Variants in DGKE observed in about 807,000 individuals in gnomAD.
The protein encoded by DGKE is DAG kinase epsilon.
In DGKE, 53 loss-of-function variants were observed where a neutral mutation model predicts 70.0. That is an observed-to-expected ratio of 0.76 (90% CI 0.61 to 0.95). The LOEUF (loss-of-function observed/expected upper bound fraction) is 0.95. Among genes scored for constraint, DGKE ranks in the 40% least tolerant of loss-of-function variants. The pLI, the probability that DGKE is intolerant of heterozygous loss-of-function variation, is 0.00. For missense variants in DGKE, 655 were observed against 706.9 expected (o/e 0.93, Z 0.83); for synonymous variants, 291 against 257.0 (o/e 1.13, Z -1.27).
At chr17:56,840,174 TAGTA>T (rs1906881261) in intron 2 of DGKE, among the ~76,000 whole-genome samples, 1 of 152,022 alleles carries the variant, frequency 6.6e-6, no homozygotes, top group African/African-American at 2.4e-5. Flanking sequence ...CAAAAAATAA[TAGTA>T]ATAATAATAA....
At chr17:56,854,713 G>A (rs1881736569) in intron 7 of DGKE, among the ~76,000 whole-genome samples, 1 of 152,078 alleles carries the variant, frequency 6.6e-6, no homozygotes, top group Non-Finnish European at 1.5e-5. Context: ...ATTCATACCA[G>A]GATGTATTAC....
intron 9 of DGKE, among the ~76,000 whole-genome samples, chr17:56,859,429 T>C (rs1908153447): frequency 6.6e-6 from 1 of 151,708 alleles, no homozygotes; most frequent in Non-Finnish European, 1.5e-5. Context: ...TGGCAGTCTT[T>C]TTTTTTTTGA....
At chr17:56,857,698 A>G (rs1908030516) in intron 8 of DGKE, among the ~76,000 whole-genome samples, 1 of 152,212 alleles carries the variant, frequency 6.6e-6, no homozygotes. Flanking sequence ...GTACTAGGAA[A>G]AAGTGGAATT....
Position 56,864,716 on chromosome 17 carries a change from G to T in DGKE, c.*1925G>T, listed in dbSNP as rs1567826843. The stretch of plus-strand genomic sequence containing the variant: ...ACACTGTTAAATCCACTTTGCTGTA[G>T]GTTATAGTTTACCTGTTATATAATT... On this transcript the variant is annotated 3_prime_UTR_variant, in exon 12 of 12. Transcript: ENST00000284061. The T allele has an allele frequency of 6.6e-6, 1 of 151,890 alleles. No homozygotes were observed. Among genetic ancestry groups the T allele is most frequent in the African/African-American group, 2.4e-5 (1 of 41,332 alleles). 9.4% of individuals were successfully genotyped at this position (151,890 alleles called of 1,614,324 possible).
intron 9 of DGKE, among the ~76,000 whole-genome samples, chr17:56,859,009 T>C (rs1908119430): frequency 6.6e-6 from 1 of 152,128 alleles, no homozygotes; most frequent in Non-Finnish European, 1.5e-5. Context: ...TTAGGGTGAG[T>C]GGCCTCCATT....
chr17:56,862,879 GC>G lies in DGKE; in HGVS notation c.*89del. The G allele has an allele frequency of 8.4e-7, 1 of 1,195,900 alleles. No individual in the cohort carries two copies. Among genetic ancestry groups the G allele is most frequent in the Non-Finnish European group, 1.1e-6 (1 of 915,808 alleles). 74.1% of individuals were successfully genotyped at this position (1,195,900 alleles called of 1,614,324 possible). Reference sequence around the variant, plus strand: ...AAGTATTAATAGAAATTCTCTATCAGCTATTCAGTCTTAATTTCACTAGTAG... The same window carrying G: ...AAGTATTAATAGAAATTCTCTATCAGTATTCAGTCTTAATTTCACTAGTAG... On this transcript the variant is annotated 3_prime_UTR_variant, in exon 12 of 12. Transcript: ENST00000284061.
chr17:56,856,473 G>A, intron 7 of DGKE, 39 bp from the exon 8 acceptor site: 2 of 1,582,118 alleles, frequency 1.3e-6, no homozygotes, highest in Non-Finnish European at 1.7e-6. Flanking sequence ...AGCTTAGGTG[G>A]AACCATAGTC....
chr17:56,860,037 GGTAGA>G (rs1472480074), intron 9 of DGKE, among the ~76,000 whole-genome samples: 12 of 152,028 alleles, frequency 7.9e-5, no homozygotes, highest in African/African-American at 2.7e-4. Flanking sequence ...AGGCTTTGAT[GGTAGA>G]GTAAAGCATA....
intron 3 of DGKE, among the ~76,000 whole-genome samples, chr17:56,845,301 A>G (rs1384471646): frequency 2.6e-5 from 4 of 152,192 alleles, no homozygotes; most frequent in Non-Finnish European, 4.4e-5. Flanking sequence ...GAAAGGTCAG[A>G]GAAAAAAATC....
chr17:56,848,737 G>A lies in DGKE; in HGVS notation c.930G>A (p.Leu310=). The A allele has an allele frequency of 6.2e-7, 1 of 1,614,114 alleles. No homozygotes were observed. The highest frequency in any genetic ancestry group is 8.5e-7 in the Non-Finnish European group (1 of 1,179,992). The change falls in exon 6 of 12, where the codon CTG becomes CTA. Residue 310 remains leucine, a synonymous_variant. Transcript: ENST00000284061. ...KYIPQVAVLP[L]GTGNDLSNTL... ...TTCCACAAGTTGCAGTTTTGCCTCT[G>A]GGAACAGGCAACGATCTATCCAATA...
chr17:56,840,554 A>G (rs961679382), intron 2 of DGKE, among the ~76,000 whole-genome samples: 10 of 152,068 alleles, frequency 6.6e-5, no homozygotes, highest in African/African-American at 2.4e-4. Context: ...TATTTTTTAT[A>G]TTTTCAGGAG....
At position 56,845,801 on chromosome 17, in the gene DGKE, C is replaced by A. The variant is rs778536839; in HGVS notation, c.736C>A (p.Pro246Thr). 9 of 1,592,632 alleles carry A rather than the reference C, an allele frequency of 5.7e-6. No individual in the cohort carries two copies. The highest frequency in any genetic ancestry group is 7.7e-6 in the Non-Finnish European group (9 of 1,172,064). ...GGGAGAATTTAGGATCTTGTTGAAT[C>A]CAGTCCAGGTAACTAAAGAAAAAAA... ...LLGEFRILLN[P>T]VQVFDVTKTP... Residue 246 changes from proline to threonine, a missense_variant, in exon 4 of 12, where the codon CCA (proline) becomes ACA (threonine). Transcript: ENST00000284061.
chr17:56,846,000 C>A, intron 4 of DGKE, 191 bp downstream of exon 4: 1 of 443,246 alleles, frequency 2.3e-6, no homozygotes, highest in Non-Finnish European at 3.7e-6. Context: ...CTTTAGAAGA[C>A]ATCTTGGCAG....
In DGKE at chr17:56,862,729, G is replaced by A. The variant is rs1908368444; in HGVS notation, c.1642G>A (p.Glu548Lys). Residue 548 changes from glutamate (E) to lysine (K), a missense_variant, in exon 12 of 12, where the codon GAA (glutamate) becomes AAA (lysine). Coordinates refer to ENST00000284061, the MANE Select transcript of DGKE (RefSeq NM_003647.3). Reference sequence around the variant, plus strand: ...TGCAATGATGTTATATTTCTCTGGAGAACAAACAGATGATGACATCTCTAG... The same window carrying A: ...TGCAATGATGTTATATTTCTCTGGAAAACAAACAGATGATGACATCTCTAG... ...THAMMLYFSG[E>K]QTDDDISSTS... is the part of the protein sequence containing the mutation. 6.2e-7 allele frequency: 1 copy of A among 1,610,060 alleles called. No homozygotes were observed. The highest frequency in any genetic ancestry group is 8.5e-7 in the Non-Finnish European group (1 of 1,178,862).
At chr17:56,840,955 CTT>C (rs758207349) in intron 2 of DGKE, among the ~76,000 whole-genome samples, 6 of 151,686 alleles carry the variant, frequency 4.0e-5, no homozygotes, top group Non-Finnish European at 8.8e-5. Flanking sequence ...GACACTGTCT[CTT>C]AAAAAAAAAT....
At chr17:56,834,418 C>A (rs140023381) in intron 1 of DGKE, among the ~76,000 whole-genome samples, 158 bp downstream of exon 1, 84 of 152,332 alleles carry the variant, frequency 5.5e-4, no homozygotes, top group African/African-American at 2.0e-3. Flanking sequence ...CGCCGACCGG[C>A]GTTGCCTGGC....
At position 56,848,034 on chromosome 17, in the gene DGKE, T is replaced by G; in HGVS notation, c.857T>G (p.Val286Gly). Residue 286 changes from valine (V) to glycine (G), a missense_variant, in exon 5 of 12, where the codon GTC (valine) becomes GGC (glycine). Physicochemically the swap from Val to Gly is moderately radical, Grantham distance 109. Transcript: ENST00000284061. ...GGAGGGGATGGGACTGTAGGGTGGG[T>G]CCTGGATGCAGTTGATGACATGAAG... is the stretch of plus-strand genomic sequence containing the variant. Reference protein sequence around the residue: ...VCGGDGTVGWVLDAVDDMKIK... With the variant: ...VCGGDGTVGWGLDAVDDMKIK... The G allele has an allele frequency of 6.3e-7, 1 of 1,583,462 alleles. No homozygotes were observed. Among genetic ancestry groups the G allele is most frequent in the Non-Finnish European group, 8.6e-7 (1 of 1,165,602 alleles).
chr17:56,834,944 A>AC lies in DGKE; in HGVS notation c.151dup (p.Arg51ProfsTer66). ...CTCCAGCGGTCGCGCCGGCAGCTGC[A>AC]CCGCAGGGACATCTTCCGCAAGAGC... On this transcript the variant is annotated frameshift_variant, in exon 2 of 12. Transcript: ENST00000284061. LOFTEE classifies it high-confidence loss of function. 2 of 1,613,346 alleles carry AC rather than the reference A, an allele frequency of 1.2e-6. No homozygotes were observed. Among genetic ancestry groups the AC allele is most frequent in the Non-Finnish European group, 1.7e-6 (2 of 1,179,960 alleles).
At chr17:56,847,701 T>G (rs1389450702) in intron 4 of DGKE, 1 of 240,224 alleles carries the variant, frequency 4.2e-6, no homozygotes, top group African/African-American at 2.3e-5. Flanking sequence ...CACCTCAGTT[T>G]CCAGCCCAAT....
Sources: gnomAD v4.1 joint callset for allele counts (sites outside exome capture counted in the v4.1 genomes callset) on GRCh38, gnomAD v4.1.1 for gene constraint, MANE v1.5 for transcripts, NCBI Gene and HGNC (gene_info 2026-07-23, HGNC 2026-07-21) for gene names.